Variants in RMI1 observed in about 807,000 individuals in gnomAD.
The protein encoded by RMI1 is RecQ mediated genome instability 1, also known as recQ-mediated genome instability protein 1.
Under a neutral mutation model 46.7 loss-of-function variants are expected in RMI1, and 36 were observed. The observed-to-expected ratio is 0.77, with a 90% confidence interval of 0.59 to 1.02. The LOEUF (loss-of-function observed/expected upper bound fraction) is 1.02, where lower values mean the gene tolerates loss of function less well. Ranked by LOEUF, RMI1 falls within the 50% of genes least tolerant of loss-of-function variation. The pLI is 0.00. For missense variants in RMI1, 676 were observed against 713.7 expected (o/e 0.95, Z 0.60); for synonymous variants, 250 against 252.9 (o/e 0.99, Z 0.11).
chr9:83,990,264 C>T (rs1957550517), intron 1 of RMI1, among the ~76,000 whole-genome samples: 1 of 152,190 alleles, frequency 6.6e-6, no homozygotes, highest in African/African-American at 2.4e-5. Context: ...TGCCTGTAAT[C>T]CCAGCATGGG....
intron 2 of RMI1, 36 bp from the exon 3 acceptor site, chr9:84,000,915 C>T (rs528344697): frequency 1.9e-6 from 2 of 1,076,890 alleles, no homozygotes; most frequent in South Asian, 1.6e-5. Flanking sequence ...TTCAAATATA[C>T]TGAATTATCT....
At chr9:83,990,469 C>T (rs1029035416) in intron 1 of RMI1, among the ~76,000 whole-genome samples, 7 of 150,548 alleles carry the variant, frequency 4.6e-5, no homozygotes, top group African/African-American at 9.8e-5. Flanking sequence ...GAGATAGCGC[C>T]GCTGCACTCC....
chr9:83,993,812 G>A (rs1957609597), intron 1 of RMI1, among the ~76,000 whole-genome samples: 1 of 151,728 alleles, frequency 6.6e-6, no homozygotes, highest in Non-Finnish European at 1.5e-5. Flanking sequence ...TTTTAAGATA[G>A]GGTCTTGCTT....
At chr9:83,993,160 C>T (rs1213201770) in intron 1 of RMI1, 1 of 152,174 alleles carries the variant, frequency 6.6e-6, no homozygotes, top group Non-Finnish European at 1.5e-5. Flanking sequence ...CCATTTCTCC[C>T]TCCCCACAAC....
intron 1 of RMI1, 158 bp downstream of exon 1, chr9:83,981,049 G>A (rs1238765363): frequency 1.3e-5 from 2 of 152,312 alleles, no homozygotes; most frequent in African/African-American, 4.8e-5. Flanking sequence ...CCCACGCTTC[G>A]GAAACCCGTT....
intron 1 of RMI1, among the ~76,000 whole-genome samples, chr9:83,982,918 A>C (rs1377556981): frequency 6.6e-6 from 1 of 152,192 alleles, no homozygotes; most frequent in African/African-American, 2.4e-5. Context: ...CAATAATTTT[A>C]TACCTGTGTT....
In RMI1 at chr9:84,002,843, A is replaced by G; in HGVS notation, c.1857A>G (p.Leu619=). Residue 619 remains leucine, a synonymous_variant, in exon 3 of 3, where the codon CTA becomes CTG. Coordinates refer to ENST00000445877, the MANE Select transcript of RMI1 (RefSeq NM_001358291.2). ...QDVNMEHLEN[L]KKRLNK Reference sequence around the variant, plus strand: ...TTAATATGGAACACCTTGAGAATCTAAAGAAGCGGTTAAATAAATAATTAA... The same window carrying G: ...TTAATATGGAACACCTTGAGAATCTGAAGAAGCGGTTAAATAAATAATTAA... 1 of 1,543,048 alleles carries G rather than the reference A, an allele frequency of 6.5e-7. No homozygotes were observed. The highest frequency in any genetic ancestry group is 8.8e-7 in the Non-Finnish European group (1 of 1,135,556).
chr9:83,988,394 C>T (rs1272269893), intron 1 of RMI1, among the ~76,000 whole-genome samples: 1 of 152,212 alleles, frequency 6.6e-6, no homozygotes, highest in African/African-American at 2.4e-5. Flanking sequence ...GCCTTGTCCT[C>T]CTAGGCTCAG....
At chr9:83,991,907 A>T (rs1234659631) in intron 1 of RMI1, among the ~76,000 whole-genome samples, 1 of 152,144 alleles carries the variant, frequency 6.6e-6, no homozygotes, top group African/African-American at 2.4e-5. Flanking sequence ...TGTCGATGTT[A>T]TATAGTGTGA....
At chr9:83,998,926 A>AGT (rs1957698362) in intron 1 of RMI1, among the ~76,000 whole-genome samples, 1 of 152,116 alleles carries the variant, frequency 6.6e-6, no homozygotes, top group African/African-American at 2.4e-5. Context: ...AGATCACTTG[A>AGT]GGTCAGGAAT....
At chr9:83,994,954 A>G (rs1277502660) in intron 1 of RMI1, among the ~76,000 whole-genome samples, 1 of 152,226 alleles carries the variant, frequency 6.6e-6, no homozygotes, top group African/African-American at 2.4e-5. Context: ...AGCAGTAGAG[A>G]GTTTTTTCAA....
intron 1 of RMI1, among the ~76,000 whole-genome samples, chr9:83,999,322 A>G (rs978263686): frequency 1.3e-5 from 2 of 152,128 alleles, no homozygotes; most frequent in Non-Finnish European, 2.9e-5. Context: ...TGCTTTTTTC[A>G]TATTAATCTA....
At chr9:83,986,318 T>G (rs533636782) in intron 1 of RMI1, among the ~76,000 whole-genome samples, 1 of 152,344 alleles carries the variant, frequency 6.6e-6, no homozygotes, top group East Asian at 1.9e-4. Flanking sequence ...TTACGTGAGA[T>G]CTGAGAATTC....
chr9:83,992,862 T>A (rs182615605), intron 1 of RMI1: 4 of 152,334 alleles, frequency 2.6e-5, no homozygotes, highest in Admixed American at 2.6e-4. Flanking sequence ...CTTTTATTAT[T>A]CCTTTTTTCT....
In RMI1 at chr9:84,002,637, A is replaced by G; in HGVS notation, c.1651A>G (p.Thr551Ala). 1 of 1,613,964 alleles carries G rather than the reference A, an allele frequency of 6.2e-7. No individual in the cohort carries two copies. Among genetic ancestry groups the G allele is most frequent in the Non-Finnish European group, 8.5e-7 (1 of 1,179,902 alleles). ...TGTAGACTTTGTGGATGAAATACTT[A>G]CTAGCTTGATAGGGTTCTCAGTACC... ...LDVDFVDEIL[T>A]SLIGFSVPEM... Residue 551 changes from threonine (T) to alanine (A), a missense_variant, in exon 3 of 3, where the codon ACT becomes GCT. By Grantham distance (58) the Thr-to-Ala change is moderately conservative. Coordinates refer to ENST00000445877, the MANE Select transcript of RMI1 (RefSeq NM_001358291.2).
intron 2 of RMI1, 101 bp from the exon 3 acceptor site, chr9:84,000,850 G>T (rs531051758): frequency 1.1e-5 from 7 of 622,402 alleles, no homozygotes; most frequent in Non-Finnish European, 1.9e-5. Context: ...GCTGAAGAGT[G>T]AAAAATCTAA....
chr9:84,001,925 C>T lies in RMI1; in HGVS notation c.939C>T (p.Asp313=). ...SIHVMDGELD[D]FSLEEALLLE... ...ATGTAATGGATGGAGAATTAGATGACTTTTCACTGGAGGAGGCCTTGCTTT... is the reference window on the plus strand; with the variant it reads ...ATGTAATGGATGGAGAATTAGATGATTTTTCACTGGAGGAGGCCTTGCTTT... Residue 313 remains aspartate, a synonymous_variant, in exon 3 of 3, where the codon GAC becomes GAT. Coordinates refer to ENST00000445877, the MANE Select transcript of RMI1 (RefSeq NM_001358291.2). The T allele has an allele frequency of 1.2e-6, 2 of 1,614,016 alleles. No homozygotes were observed. Among genetic ancestry groups the T allele is most frequent in the African/African-American group, 1.3e-5 (1 of 75,042 alleles).
In RMI1 at chr9:84,001,727, C is replaced by G. The variant is rs1564085833; in HGVS notation, c.741C>G (p.Leu247=). ...CATTAGGTCCTTCTGATGAAGAACT[C>G]TTGGCAAGTCTTGATGAAAATGATG... The part of the protein sequence containing the change: ...DPALGPSDEE[L]LASLDENDEL... The change falls in exon 3 of 3, where the codon CTC becomes CTG. Residue 247 remains leucine (L), a synonymous_variant. Transcript: ENST00000445877. 3 of 1,613,954 alleles carry G rather than the reference C, an allele frequency of 1.9e-6. No homozygotes were observed. The highest frequency in any genetic ancestry group is 1.7e-6 in the Non-Finnish European group (2 of 1,179,968).
chr9:83,999,341 A>G (rs1957705776), intron 1 of RMI1, among the ~76,000 whole-genome samples: 1 of 152,108 alleles, frequency 6.6e-6, no homozygotes, highest in African/African-American at 2.4e-5. Flanking sequence ...TAATCTTCAT[A>G]ACAAGCCTGA....
Sources: allele counts gnomAD v4.1 joint callset (sites outside exome capture counted in the v4.1 genomes callset), GRCh38; gene constraint gnomAD v4.1.1; transcripts MANE v1.5; gene names NCBI Gene and HGNC (gene_info 2026-07-23, HGNC 2026-07-21).